PALD1: variants seen among roughly 807,000 people sequenced by gnomAD.
PALD1 encodes paladin.
In PALD1, 57 loss-of-function variants were observed where a neutral mutation model predicts 96.0. The observed-to-expected ratio is 0.59, with a 90% CI of 0.48 to 0.74. The LOEUF (loss-of-function observed/expected upper bound fraction) is 0.74. PALD1 is among the 30% of genes least tolerant of loss of function. The probability of loss-of-function intolerance (pLI) is 0.00; values close to 1 mark genes in which losing one functional copy is unlikely to be tolerated. For synonymous variants in PALD1, 464 were observed against 473.6 expected (o/e 0.98, Z 0.26); for missense variants, 1,063 against 1,143.7 (o/e 0.93, Z 1.02).
At chr10:70,538,084 A>T (rs1020134454) in intron 11 of PALD1, among the ~76,000 whole-genome samples, 178 bp downstream of exon 11, 1 of 151,996 alleles carries the variant, frequency 6.6e-6, no homozygotes, top group African/African-American at 2.4e-5. Context: ...GGGAGGCCCC[A>T]CCTCTTTCCA....
chr10:70,506,477 G>A (rs1846394065), intron 1 of PALD1, among the ~76,000 whole-genome samples: 1 of 152,212 alleles, frequency 6.6e-6, no homozygotes, highest in African/African-American at 2.4e-5. Flanking sequence ...GATGACAGAT[G>A]CACGGCTGAG....
intron 1 of PALD1, among the ~76,000 whole-genome samples, chr10:70,486,700 G>T (rs1168834169): frequency 2.0e-5 from 3 of 152,156 alleles, no homozygotes; most frequent in Non-Finnish European, 4.4e-5. Context: ...GGCAGAGGTT[G>T]CAATGAGCTG....
chr10:70,462,383 G>A, the PALD1 span, among the ~76,000 whole-genome samples: 4 of 152,242 alleles, frequency 2.6e-5, no homozygotes, highest in Non-Finnish European at 5.9e-5. Context: ...GGAATACTAC[G>A]TGCCTCATAG....
At chr10:70,531,475 C>T (rs1319115180) in intron 5 of PALD1, 21 bp downstream of exon 5, 14 of 1,597,134 alleles carry the variant, frequency 8.8e-6, no homozygotes, top group South Asian at 2.2e-5. Context: ...GTGCGGTGTG[C>T]GGGAGACCCC....
intron 1 of PALD1, among the ~76,000 whole-genome samples, chr10:70,502,418 A>G (rs934782266): frequency 2.0e-5 from 3 of 148,512 alleles, no homozygotes; most frequent in African/African-American, 5.0e-5. Context: ...ACTAATATCA[A>G]CAGAACTGTA....
chr10:70,529,221 C>CA lies in PALD1; in HGVS notation c.186-8_186-7insA. ...AGTTTCCATTCTGCCCCCCCCCCCCCCCCCCAGGTACAACTGCAAGGAGGA... is the reference window on the plus strand; with the variant it reads ...AGTTTCCATTCTGCCCCCCCCCCCCCACCCCCAGGTACAACTGCAAGGAGGA... On this transcript the variant is annotated splice_region_variant and splice_polypyrimidine_tract_variant and intron_variant, in intron 2 of 19. Coordinates refer to ENST00000263563, the MANE Select transcript of PALD1 (RefSeq NM_014431.3). The CA allele has an allele frequency of 2.3e-6, 1 of 434,198 alleles. No homozygotes were observed. The highest frequency in any genetic ancestry group is 4.0e-6 in the Non-Finnish European group (1 of 252,848). 26.9% of individuals were successfully genotyped at this position (434,198 alleles called of 1,614,324 possible).
chr10:70,466,178 C>A, the PALD1 span, among the ~76,000 whole-genome samples: 5 of 152,138 alleles, frequency 3.3e-5, no homozygotes, highest in African/African-American at 1.2e-4. Context: ...TATTTTCTCA[C>A]ATTCAGTGGG....
At position 70,538,018 on chromosome 10, in the gene PALD1, G is replaced by A. The variant is rs188685574; in HGVS notation, c.1323+112G>A. 1,979 of 877,934 alleles carry A rather than the reference G, an allele frequency of 2.3e-3. 22 individuals carry two copies. In the African/African-American group the frequency reaches 0.024, roughly 11 times the overall value. 54.4% of individuals were successfully genotyped at this position (877,934 alleles called of 1,614,324 possible). ...GAGACCCCCCAAGGAACCGGGGAGG[G>A]AAGGGAGGCCAGGAGAGACCCAGAT... On this transcript the variant is annotated intron_variant, in intron 11 of 19. Transcript: ENST00000263563.
intron 1 of PALD1, among the ~76,000 whole-genome samples, chr10:70,483,487 C>G (rs1845968214): frequency 6.6e-6 from 1 of 152,136 alleles, no homozygotes; most frequent in African/African-American, 2.4e-5. Flanking sequence ...TTCAGAAATT[C>G]CCCAAGGAGA....
At chr10:70,460,937 C>T in the PALD1 span, among the ~76,000 whole-genome samples, 424 of 152,348 alleles carry the variant, frequency 2.8e-3, no homozygotes, top group Non-Finnish European at 3.1e-3. Context: ...CGCCTGTAAT[C>T]CCAGCTACTT....
At chr10:70,481,166 C>A (rs915073002) in intron 1 of PALD1, among the ~76,000 whole-genome samples, 1 of 152,178 alleles carries the variant, frequency 6.6e-6, no homozygotes, top group African/African-American at 2.4e-5. Context: ...ACAGGGAAGC[C>A]GCTCAAGTGC....
At chr10:70,543,282 T>C (rs1042333333) in intron 17 of PALD1, among the ~76,000 whole-genome samples, 1 of 152,190 alleles carries the variant, frequency 6.6e-6, no homozygotes, top group African/African-American at 2.4e-5. Flanking sequence ...TTCTGGAAAC[T>C]AATCACTTAT....
At chr10:70,533,177 C>T in intron 7 of PALD1, 107 bp downstream of exon 7, 1 of 875,968 alleles carries the variant, frequency 1.1e-6, no homozygotes, top group Non-Finnish European at 1.9e-6. Flanking sequence ...AGGCTTCATT[C>T]TGTGTTGTGT....
intron 1 of PALD1, among the ~76,000 whole-genome samples, chr10:70,515,716 G>A (rs1846608035): frequency 6.6e-6 from 1 of 152,206 alleles, no homozygotes; most frequent in Non-Finnish European, 1.5e-5. Context: ...CGGTCCAGCA[G>A]GGGAGGTACC....
intron 17 of PALD1, among the ~76,000 whole-genome samples, chr10:70,547,002 G>A (rs1847379742): frequency 6.6e-6 from 1 of 152,146 alleles, no homozygotes; most frequent in Admixed American, 6.5e-5. Context: ...AACTAAAAAG[G>A]AATCATAATC....
At chr10:70,556,541 C>CT (rs1281664989) in intron 18 of PALD1, among the ~76,000 whole-genome samples, 3 of 152,138 alleles carry the variant, frequency 2.0e-5, no homozygotes, top group African/African-American at 7.2e-5. Flanking sequence ...TGGCCTCAAA[C>CT]TACTGGGCTC....
chr10:70,533,146 C>G (rs1354200406), intron 7 of PALD1, 76 bp downstream of exon 7: 1 of 1,170,940 alleles, frequency 8.5e-7, no homozygotes, highest in Admixed American at 2.0e-5. Flanking sequence ...GTGGGCACAG[C>G]CTCTCGCCTT....
chr10:70,516,729 C>G (rs1398568798), intron 1 of PALD1, among the ~76,000 whole-genome samples: 1 of 150,866 alleles, frequency 6.6e-6, no homozygotes, highest in Admixed American at 6.6e-5. Context: ...ATTTTTTTTT[C>G]TTTCTATCTT....
chr10:70,507,071 TTATC>T (rs1367794111), intron 1 of PALD1, among the ~76,000 whole-genome samples: 3 of 152,084 alleles, frequency 2.0e-5, no homozygotes, highest in Non-Finnish European at 2.9e-5. Context: ...TTTAAAAAAA[TTATC>T]TTTCTATTAA....
Sources: gnomAD v4.1 joint callset for allele counts (sites outside exome capture counted in the v4.1 genomes callset) on GRCh38, gnomAD v4.1.1 for gene constraint, MANE v1.5 for transcripts, NCBI Gene and HGNC (gene_info 2026-07-23, HGNC 2026-07-21) for gene names.